RXFP1: variants seen among roughly 807,000 people sequenced by gnomAD.
RXFP1 encodes the protein relaxin receptor 1.
A neutral mutation model predicts 89.8 loss-of-function variants in RXFP1; 73 were observed. The ratio of observed to expected loss-of-function variants is 0.81; its 90% CI spans 0.67 to 0.99. The LOEUF (loss-of-function observed/expected upper bound fraction) is 0.99. RXFP1 is among the 50% of genes least tolerant of loss of function. The pLI is 0.00. For missense variants in RXFP1, 793 were observed against 895.5 expected, an observed-to-expected ratio of 0.89 and a Z score of 1.46; for synonymous variants, 277 against 305.5, an observed-to-expected ratio of 0.91 and a Z score of 0.97.
chr4:158,623,502 C>CTAA (rs1766057043), intron 9 of RXFP1, among the ~76,000 whole-genome samples: 1 of 42,604 alleles, frequency 2.3e-5, no homozygotes, highest in Non-Finnish European at 4.9e-5. Flanking sequence ...AACTCCATCT[C>CTAA]AAAAAAAAAA....
At chr4:158,571,247 G>A (rs1341460723) in intron 1 of RXFP1, among the ~76,000 whole-genome samples, 5 of 152,136 alleles carry the variant, frequency 3.3e-5, no homozygotes. Context: ...TCTTGCACAG[G>A]GCCTTACACT....
intron 4 of RXFP1, among the ~76,000 whole-genome samples, chr4:158,604,351 T>C (rs1349654019): frequency 1.3e-5 from 2 of 152,080 alleles, no homozygotes; most frequent in Non-Finnish European, 2.9e-5. Context: ...CTTGGAGAGG[T>C]TGTGTGTGAT....
Position 158,645,097 on chromosome 4 carries a change from C to T in RXFP1, c.1304C>T (p.Ser435Phe). The part of the protein sequence containing the change: ...FVICMRPYIR[S>F]ENKLYAMSII... ...ATTTGCATGCGACCTTATATCAGGT[C>T]TGAGAACAAGCTGTATGCCATGTCA... is the stretch of plus-strand genomic sequence containing the variant. The change falls in exon 15 of 18, where the codon TCT (serine) becomes TTT (phenylalanine). Residue 435 changes from serine (S) to phenylalanine (F), a missense_variant. Transcript: ENST00000307765. 6.2e-7 allele frequency: 1 copy of T among 1,614,122 alleles called. No homozygotes were observed. Among genetic ancestry groups the T allele is most frequent in the African/African-American group, 1.3e-5 (1 of 75,058 alleles).
chr4:158,545,624 G>A (rs1341155905), intron 1 of RXFP1, among the ~76,000 whole-genome samples: 9 of 152,260 alleles, frequency 5.9e-5, no homozygotes, highest in African/African-American at 1.4e-4. Flanking sequence ...ATTAATTTTT[G>A]TATAGGGTGT....
At chr4:158,522,556 A>T (rs2149760423) in intron 1 of RXFP1, among the ~76,000 whole-genome samples, 1 of 152,336 alleles carries the variant, frequency 6.6e-6, no homozygotes, top group South Asian at 2.1e-4. Flanking sequence ...TGAAAAACAT[A>T]GGCACAAAAG....
chr4:158,617,048 T>G lies in RXFP1; in HGVS notation c.681-83T>G, dbSNP rs1764723888. 3.2e-6 allele frequency: 3 copies of G among 928,196 alleles called. No homozygotes were observed. In the South Asian group the frequency reaches 5.2e-5, roughly 16 times the overall value. The allele number at this position is 928,196 out of a possible 1,614,324, so 57.5% of individuals were successfully genotyped here. On this transcript the variant is annotated intron_variant, in intron 8 of 17. Coordinates refer to ENST00000307765, the MANE Select transcript of RXFP1 (RefSeq NM_021634.4). ...TAATTTAGTGGATTTGTGGGTTTCA[T>G]AAGAATAATAATAATACCATGTTTG...
rs75540777 is a variant in RXFP1 at position 158,633,421 on chromosome 4, A to G, written c.916A>G (p.Lys306Glu). 5.0e-5 allele frequency: 80 copies of G among 1,592,110 alleles called. 1 individual carries two copies. In the East Asian group the frequency reaches 1.0e-3, roughly 21 times the overall value. Residue 306 changes from lysine (K) to glutamate (E), a missense_variant, in exon 12 of 18, where the codon AAG becomes GAG. By Grantham distance (56) the Lys-to-Glu change is moderately conservative. Coordinates refer to ENST00000307765, the MANE Select transcript of RXFP1 (RefSeq NM_021634.4). ...TTTCTCCAGGGATTTAGGAAGTAAT[A>G]AGATTGAAAATCTTCCACCGCTTAT... Reference protein sequence around the residue: ...KLDELDLGSNKIENLPPLIFK... With the variant: ...KLDELDLGSNEIENLPPLIFK...
At chr4:158,584,884 C>A (rs1213869835) in intron 2 of RXFP1, among the ~76,000 whole-genome samples, 4 of 152,128 alleles carry the variant, frequency 2.6e-5, no homozygotes, top group African/African-American at 9.7e-5. Flanking sequence ...TTTTATTATC[C>A]AATTCATAAC....
At chr4:158,571,860 G>A (rs1241811671) in intron 1 of RXFP1, among the ~76,000 whole-genome samples, 1 of 152,190 alleles carries the variant, frequency 6.6e-6, no homozygotes, top group African/African-American at 2.4e-5. Flanking sequence ...TACATTCAAT[G>A]TGGCGATTCC....
intron 17 of RXFP1, among the ~76,000 whole-genome samples, chr4:158,649,680 A>C (rs969591591): frequency 6.6e-6 from 1 of 152,246 alleles, no homozygotes; most frequent in African/African-American, 2.4e-5. Context: ...TACTATTTTA[A>C]AAAAACACAC....
intron 17 of RXFP1, among the ~76,000 whole-genome samples, chr4:158,649,719 G>A (rs1225999253): frequency 6.6e-6 from 1 of 152,224 alleles, no homozygotes; most frequent in Non-Finnish European, 1.5e-5. Flanking sequence ...TGGTAAAGTT[G>A]TGGAGAAATT....
At chr4:158,620,412 A>G (rs1765403607) in intron 9 of RXFP1, among the ~76,000 whole-genome samples, 1 of 152,142 alleles carries the variant, frequency 6.6e-6, no homozygotes, top group Non-Finnish European at 1.5e-5. Context: ...AATAATAGCC[A>G]AGAATTTTGT....
chr4:158,568,410 G>C (rs1754258542), intron 1 of RXFP1, among the ~76,000 whole-genome samples: 1 of 152,214 alleles, frequency 6.6e-6, no homozygotes. Context: ...GAAAACACAG[G>C]CAGGTATGGC....
intron 3 of RXFP1, among the ~76,000 whole-genome samples, chr4:158,597,217 G>T (rs1045619627): frequency 2.6e-5 from 4 of 152,058 alleles, no homozygotes; most frequent in African/African-American, 9.7e-5. Context: ...ATTAAACTGA[G>T]CAAAGCTTAT....
At chr4:158,542,109 A>ATATATATATATATTTTTTTTTT in intron 1 of RXFP1, among the ~76,000 whole-genome samples, 5 of 35,242 alleles carry the variant, frequency 1.4e-4, no homozygotes, top group African/African-American at 4.6e-4. Context: ...ATATATATAT[A>ATATATATATATATTTTTTTTTT]TTTTTTTTTT....
chr4:158,544,105 AT>A (rs202021372), intron 1 of RXFP1: 1 of 979,736 alleles, frequency 1.0e-6, no homozygotes, highest in Non-Finnish European at 1.2e-6. Flanking sequence ...CCATCTTTTT[AT>A]TTTTTTAATT....
At chr4:158,556,305 G>C (rs1423937195) in intron 1 of RXFP1, among the ~76,000 whole-genome samples, 2 of 150,240 alleles carry the variant, frequency 1.3e-5, no homozygotes, top group East Asian at 1.9e-4. Flanking sequence ...ATGGCCAACA[G>C]ATATATGAAA....
intron 1 of RXFP1, among the ~76,000 whole-genome samples, chr4:158,569,357 C>T (rs1754546976): frequency 6.6e-6 from 1 of 152,154 alleles, no homozygotes; most frequent in Admixed American, 6.5e-5. Flanking sequence ...GGATACGTGT[C>T]ATTATACATT....
intron 1 of RXFP1, among the ~76,000 whole-genome samples, chr4:158,539,956 A>C (rs960035174): frequency 6.6e-6 from 1 of 152,206 alleles, no homozygotes; most frequent in Non-Finnish European, 1.5e-5. Flanking sequence ...GTGGGTTTAG[A>C]AAAAAGGGAA....
Sources: allele counts gnomAD v4.1 joint callset (sites outside exome capture counted in the v4.1 genomes callset), GRCh38; gene constraint gnomAD v4.1.1; transcripts MANE v1.5; gene names NCBI Gene and HGNC (gene_info 2026-07-23, HGNC 2026-07-21).